The following CALN1 variants were observed in gnomAD, a reference collection of about 807,000 sequenced individuals.
CALN1 encodes calneuron 1.
A neutral mutation model predicts 30.6 loss-of-function variants in CALN1; 17 were observed. The observed-to-expected ratio is 0.56, with a 90% CI of 0.38 to 0.83. The LOEUF is 0.83. Among genes scored for constraint, CALN1 ranks in the 40% least tolerant of loss-of-function variants. The pLI, the probability that CALN1 is intolerant of heterozygous loss-of-function variation, is 0.00. For synonymous variants in CALN1, 156 were observed against 131.4 expected, an observed-to-expected ratio of 1.19 and a Z score of -1.28; for missense variants, 291 against 354.9, an observed-to-expected ratio of 0.82 and a Z score of 1.45.
chr7:71,809,713 G>T (rs758632494), intron 6 of CALN1, among the ~76,000 whole-genome samples: 3 of 151,520 alleles, frequency 2.0e-5, no homozygotes, highest in Non-Finnish European at 2.9e-5. Context: ...CTTTAAATTT[G>T]CTTTCATGAA....
intron 3 of CALN1, among the ~76,000 whole-genome samples, chr7:72,133,019 G>C (rs539137007): frequency 3.9e-5 from 6 of 152,232 alleles, no homozygotes; most frequent in African/African-American, 1.4e-4. Context: ...CTCTTTATGA[G>C]AATCTAATGC....
Position 71,837,243 on chromosome 7 carries a change from C to CAAAAAAAAAAAAAAAAAA in CALN1, c.502-26769_502-26752dup, listed in dbSNP as rs55977265. ...CGAAACTCCATCTCAAAAAAAAAGA[C>CAAAAAAAAAAAAAAAAAA]AAAAAAAAAAAAAAAAAAAAAAGCC... On this transcript the variant is annotated intron_variant, in intron 5 of 6. Coordinates refer to ENST00000395275, the MANE Select transcript of CALN1 (RefSeq NM_031468.4). Among the ~76,000 whole-genome samples the CAAAAAAAAAAAAAAAAAA allele has an allele frequency of 7.1e-4, 56 of 79,018 alleles. 4 individuals carry two copies. The highest frequency in any genetic ancestry group is 9.4e-4 in the Admixed American group (5 of 5,332). The allele number at this position is 79,018 out of a possible 152,430, so 51.8% of individuals were successfully genotyped here.
rs1793768065 is a variant in CALN1, at chr7:71,900,113, C to A, written c.502-89621G>T. 2.0e-5 allele frequency among the ~76,000 whole-genome samples: 3 copies of A among 152,148 alleles called. No individual in the cohort carries two copies. In the South Asian group the frequency reaches 6.2e-4, roughly 31 times the overall value. On this transcript the variant is annotated intron_variant, in intron 5 of 6. Coordinates refer to ENST00000395275, the MANE Select transcript of CALN1 (RefSeq NM_031468.4). Reference sequence around the variant, plus strand: ...AGATGAAAATACAAAGGAAAACTTGCAAAATAGCTTCCATAATTGTGACAG... The same window carrying A: ...AGATGAAAATACAAAGGAAAACTTGAAAAATAGCTTCCATAATTGTGACAG...
chr7:72,318,129 T>G (rs1800614187), intron 2 of CALN1, among the ~76,000 whole-genome samples: 1 of 152,172 alleles, frequency 6.6e-6, no homozygotes, highest in South Asian at 2.1e-4. Context: ...GCATCCCTAT[T>G]TCAAAGGACT....
intron 2 of CALN1, among the ~76,000 whole-genome samples, chr7:72,334,522 A>ACCCCCCCCCCCCC (rs199877727): frequency 2.0e-5 from 3 of 151,456 alleles, no homozygotes; most frequent in African/African-American, 7.3e-5. Context: ...CTCAACCTGT[A>ACCCCCCCCCCCCC]CCCCCCCTCC....
intron 3 of CALN1, among the ~76,000 whole-genome samples, chr7:72,133,298 A>C (rs531576980): frequency 6.6e-6 from 1 of 152,216 alleles, no homozygotes; most frequent in Non-Finnish European, 1.5e-5. Flanking sequence ...TTATGCCAAA[A>C]GGATTTAAGA....
At chr7:72,016,169 A>G (rs532019647) in intron 5 of CALN1, among the ~76,000 whole-genome samples, 5 of 150,452 alleles carry the variant, frequency 3.3e-5, no homozygotes, top group African/African-American at 9.8e-5. Flanking sequence ...GAATTGCTTG[A>G]ACCCAGGAGG....
intron 3 of CALN1, among the ~76,000 whole-genome samples, chr7:72,146,468 G>C (rs926868030): frequency 6.6e-6 from 1 of 152,048 alleles, no homozygotes; most frequent in East Asian, 1.9e-4. Context: ...AAATAAAAGA[G>C]GATACAAATA....
intron 2 of CALN1, among the ~76,000 whole-genome samples, chr7:72,362,055 A>G (rs1322786154): frequency 6.6e-6 from 1 of 152,210 alleles, no homozygotes; most frequent in Non-Finnish European, 1.5e-5. Context: ...TAAATAGCAT[A>G]TATTGTGTAA....
chr7:71,963,152 T>C (rs1797333932), intron 5 of CALN1, among the ~76,000 whole-genome samples: 1 of 151,896 alleles, frequency 6.6e-6, no homozygotes, highest in South Asian at 2.1e-4. Context: ...CTAAGAAACT[T>C]TGTTATTTTT....
chr7:72,192,239 A>G (rs1181393484), intron 3 of CALN1, among the ~76,000 whole-genome samples: 2 of 152,166 alleles, frequency 1.3e-5, no homozygotes, highest in African/African-American at 4.8e-5. Flanking sequence ...GTGTTACTGG[A>G]CTGAATACTG....
At chr7:72,152,405 A>C (rs1410286792) in intron 3 of CALN1, among the ~76,000 whole-genome samples, 3 of 152,064 alleles carry the variant, frequency 2.0e-5, no homozygotes, top group Admixed American at 1.3e-4. Flanking sequence ...AGCCCTAGAG[A>C]GCTACGATCT....
chr7:72,398,349 C>T (rs1806115102), intron 2 of CALN1, among the ~76,000 whole-genome samples: 1 of 152,212 alleles, frequency 6.6e-6, no homozygotes, highest in African/African-American at 2.4e-5. Flanking sequence ...ATTTCCATTG[C>T]TTTCAGAGTC....
At chr7:71,890,974 T>A (rs1339433847) in intron 5 of CALN1, among the ~76,000 whole-genome samples, 1 of 152,104 alleles carries the variant, frequency 6.6e-6, no homozygotes, top group Non-Finnish European at 1.5e-5. Flanking sequence ...TGCGAACTCC[T>A]GGGCTCAAGC....
chr7:72,400,213 T>C (rs1253855558), intron 2 of CALN1, among the ~76,000 whole-genome samples: 1 of 152,194 alleles, frequency 6.6e-6, no homozygotes, highest in Non-Finnish European at 1.5e-5. Context: ...CACCCATTTA[T>C]AGTGGCAGCA....
intron 1 of CALN1, among the ~76,000 whole-genome samples, chr7:72,411,751 G>T (rs952804992): frequency 6.6e-6 from 1 of 152,168 alleles, no homozygotes; most frequent in Non-Finnish European, 1.5e-5. Flanking sequence ...TCATTATCCT[G>T]AAAATTGACA....
chr7:71,943,606 A>AT (rs35461570), intron 5 of CALN1, among the ~76,000 whole-genome samples: 1 of 151,528 alleles, frequency 6.6e-6, no homozygotes, highest in Non-Finnish European at 1.5e-5. Context: ...ACATGGGCTA[A>AT]TTTTTTTTAT....
rs151162451 is a variant in CALN1, at chr7:72,235,275, AAAAT to A, written c.244+43407_244+43410del. 1.8e-3 allele frequency among the ~76,000 whole-genome samples: 271 copies of A among 151,658 alleles called. 3 individuals carry two copies. In the Middle Eastern group the frequency reaches 0.02, roughly 11 times the overall value. ...GATGACACAGTGAGACTCTGTCTCA[AAAAT>A]AAATAAATAAATAAATAAATAAGAA... On this transcript the variant is annotated intron_variant, in intron 3 of 6. Coordinates refer to ENST00000395275, the MANE Select transcript of CALN1 (RefSeq NM_031468.4).
At chr7:71,936,280 C>A (rs528358186) in intron 5 of CALN1, among the ~76,000 whole-genome samples, 1 of 151,624 alleles carries the variant, frequency 6.6e-6, no homozygotes, top group Non-Finnish European at 1.5e-5. Context: ...GGGTGGATCA[C>A]GAGGTCAGGA....
Sources: allele counts gnomAD v4.1 joint callset (sites outside exome capture counted in the v4.1 genomes callset), GRCh38; gene constraint gnomAD v4.1.1; transcripts MANE v1.5; gene names NCBI Gene and HGNC (gene_info 2026-07-23, HGNC 2026-07-21).